The following HEATR4 variants were observed in gnomAD, a reference collection of about 807,000 sequenced individuals.
HEATR4 encodes the protein HEAT repeat containing 4, also known as HEAT repeat-containing protein 4.
A neutral mutation model predicts 108.8 loss-of-function variants in HEATR4; 95 were observed. The observed-to-expected ratio is 0.87, with a 90% CI of 0.74 to 1.04. The LOEUF (loss-of-function observed/expected upper bound fraction) is 1.04, where lower values mean the gene tolerates loss of function less well. HEATR4 is among the 50% of genes least tolerant of loss of function. The probability of loss-of-function intolerance (pLI) is 0.00; values close to 1 mark genes in which losing one functional copy is unlikely to be tolerated. For synonymous variants in HEATR4, 443 were observed against 459.4 expected, an observed-to-expected ratio of 0.96 and a Z score of 0.46; for missense variants, 1,152 against 1,253.8, an observed-to-expected ratio of 0.92 and a Z score of 1.23.
At chr14:73,499,990 G>A (rs1288608604) in intron 12 of HEATR4, among the ~76,000 whole-genome samples, 3 of 152,200 alleles carry the variant, frequency 2.0e-5, no homozygotes, top group Admixed American at 2.0e-4. Context: ...AGCACTTTGG[G>A]AGGCCGAGGC....
chr14:73,593,742 TGG>T, the HEATR4 span: 1 of 1,613,702 alleles, frequency 6.2e-7, no homozygotes, highest in South Asian at 1.1e-5. Flanking sequence ...TCTTTGGTAT[TGG>T]AGGGGGCCTC....
the HEATR4 span, among the ~76,000 whole-genome samples, chr14:73,629,132 T>C: frequency 6.6e-6 from 1 of 151,988 alleles, no homozygotes; most frequent in Non-Finnish European, 1.5e-5. Context: ...AGTGAGTCTG[T>C]GGCCTTCAAA....
Position 73,522,651 on chromosome 14 carries a change from G to A in HEATR4, c.502C>T (p.Pro168Ser), listed in dbSNP as rs1039436694. 8.1e-6 allele frequency: 13 copies of A among 1,614,246 alleles called. No homozygotes were observed. Among genetic ancestry groups the A allele is most frequent in the Non-Finnish European group, 1.0e-5 (12 of 1,180,042 alleles). ...CCCAGCATATCTGGATGCATGCAGGGATGATGGATGAGAGGGCGGGGTGCT... is the reference window on the plus strand; with the variant it reads ...CCCAGCATATCTGGATGCATGCAGGAATGATGGATGAGAGGGCGGGGTGCT... ...REAPRPLIHH[P>S]CMHPDMLGRP... Residue 168 changes from proline (P) to serine (S), a missense_variant, in exon 3 of 18, where the codon CCC (proline) becomes TCC (serine). Physicochemically the swap from Pro to Ser is moderately conservative, Grantham distance 74. Coordinates refer to ENST00000553558, the MANE Select transcript of HEATR4 (RefSeq NM_001220484.1).
chr14:73,597,591 C>CTTTTTTT, the HEATR4 span, among the ~76,000 whole-genome samples: 171 of 98,188 alleles, frequency 1.7e-3, no homozygotes, highest in Non-Finnish European at 2.7e-3. Flanking sequence ...TTTTTCTTTT[C>CTTTTTTT]TTTTTTTTTT....
intron 1 of HEATR4, among the ~76,000 whole-genome samples, chr14:73,533,476 C>G (rs1477845444): frequency 8.8e-6 from 1 of 113,946 alleles, no homozygotes; most frequent in Non-Finnish European, 1.9e-5. Flanking sequence ...GTCAGAAGTT[C>G]AAGACCAGCC....
chr14:73,572,673 T>G, the HEATR4 span, among the ~76,000 whole-genome samples: 1 of 138,898 alleles, frequency 7.2e-6, no homozygotes, highest in Admixed American at 7.5e-5. Flanking sequence ...TTTGAGACAG[T>G]GTCTCGCTCT....
At chr14:73,570,967 A>G in the HEATR4 span, among the ~76,000 whole-genome samples, 1 of 137,196 alleles carries the variant, frequency 7.3e-6, no homozygotes, top group African/African-American at 2.7e-5. Context: ...TGTATTGACT[A>G]GGAAGCCACT....
In HEATR4 at chr14:73,492,172, G is replaced by A. The variant is rs1314806204; in HGVS notation, c.2844+894C>T. 13 of 1,613,832 alleles carry A rather than the reference G, an allele frequency of 8.1e-6. No homozygotes were observed. Among genetic ancestry groups the A allele is most frequent in the East Asian group, 2.2e-5 (1 of 44,890 alleles). ...TCAGTCAGGACGACCTCGGTGAGCC[G>A]GTGCTGCAGACCGTGCTGGAACCTG... On this transcript the variant is annotated intron_variant, in intron 17 of 17. Transcript: ENST00000553558. This position sits in a 1 kb window ranked among gnomAD's most constrained non-coding sequence, Gnocchi z 4.9.
chr14:73,619,889 C>A, the HEATR4 span: 2 of 1,479,962 alleles, frequency 1.4e-6, no homozygotes, highest in Non-Finnish European at 1.8e-6. Flanking sequence ...ATTCATACAA[C>A]TTGTGTTGGG....
chr14:73,501,515 T>C (rs1349853322), intron 11 of HEATR4, among the ~76,000 whole-genome samples: 2 of 150,926 alleles, frequency 1.3e-5, no homozygotes, highest in Non-Finnish European at 3.0e-5. Flanking sequence ...TCAGCCTGAG[T>C]AGCTGGGATT....
the HEATR4 span, among the ~76,000 whole-genome samples, chr14:73,608,048 C>A: frequency 6.6e-6 from 1 of 152,060 alleles, no homozygotes; most frequent in Non-Finnish European, 1.5e-5. Context: ...CCTCAGCCTC[C>A]CGAGTAGCTG....
At chr14:73,585,617 G>A in the HEATR4 span, among the ~76,000 whole-genome samples, 5 of 151,924 alleles carry the variant, frequency 3.3e-5, no homozygotes, top group African/African-American at 4.8e-5. Context: ...TGGAACCCAG[G>A]AGGTGGAGGT....
intron 16 of HEATR4, among the ~76,000 whole-genome samples, chr14:73,495,007 TA>T (rs143727531): frequency 0.019 from 2,918 of 151,956 alleles, 106 homozygotes; most frequent in African/African-American, 0.066. Flanking sequence ...CAAATAGAGA[TA>T]ACTTTTTTTT....
chr14:73,617,155 T>A, the HEATR4 span: 1 of 1,614,166 alleles, frequency 6.2e-7, no homozygotes, highest in East Asian at 2.2e-5. Context: ...CTGGAGTACT[T>A]TGAAGAAGCC....
At chr14:73,498,022 T>C in intron 14 of HEATR4, 133 bp downstream of exon 14, 1 of 736,110 alleles carries the variant, frequency 1.4e-6, no homozygotes, top group South Asian at 2.0e-5. Flanking sequence ...CTTGGGTGAG[T>C]GGTGAATGTG....
the HEATR4 span, chr14:73,612,929 C>T: frequency 1.5e-6 from 2 of 1,339,308 alleles, no homozygotes; most frequent in South Asian, 1.4e-5. Context: ...CGGGCGGCTG[C>T]TGTGCCTGGC....
At chr14:73,511,148 G>C (rs1278342870) in intron 7 of HEATR4, among the ~76,000 whole-genome samples, 1 of 152,170 alleles carries the variant, frequency 6.6e-6, no homozygotes, top group Non-Finnish European at 1.5e-5. Flanking sequence ...TCATTTTATA[G>C]ATAGGTAATT....
rs1388758063 is a variant in HEATR4, at chr14:73,537,160, G to A, written c.-151-6916C>T. 3 of 361,126 alleles carry A rather than the reference G, an allele frequency of 8.3e-6. 1 individual carries two copies. The highest frequency in any genetic ancestry group is 1.4e-5 in the Non-Finnish European group (3 of 216,094). The allele number at this position is 361,126 out of a possible 1,614,324, so 22.4% of individuals were successfully genotyped here. On this transcript the variant is annotated intron_variant, in intron 1 of 17. Transcript: ENST00000553558. The stretch of plus-strand genomic sequence containing the variant: ...CCCAGCCCATTCCGCGAGCCAGCAA[G>A]CTTCTGAAAAGCAAACCTAGGAAGT...
At chr14:73,610,527 G>A in the HEATR4 span, among the ~76,000 whole-genome samples, 5 of 152,084 alleles carry the variant, frequency 3.3e-5, no homozygotes, top group Non-Finnish European at 7.4e-5. Context: ...CTGACCCCAA[G>A]TCATCCGCCC....
Sources: gnomAD v4.1 joint callset for allele counts (sites outside exome capture counted in the v4.1 genomes callset) on GRCh38, gnomAD v4.1.1 for gene constraint, Gnocchi (gnomAD v3.1) non-coding constraint, MANE v1.5 for transcripts, NCBI Gene and HGNC (gene_info 2026-07-23, HGNC 2026-07-21) for gene names.